The following MAPRE2 variants were observed in gnomAD, a reference collection of about 807,000 sequenced individuals.
MAPRE2 encodes microtubule-associated protein RP/EB family member 2.
Under a neutral mutation model 43.2 loss-of-function variants are expected in MAPRE2, and 13 were observed. The observed-to-expected ratio is 0.30, with a 90% confidence interval of 0.20 to 0.48. The LOEUF (loss-of-function observed/expected upper bound fraction) is 0.48. Among genes scored for constraint, MAPRE2 ranks in the 20% least tolerant of loss-of-function variants. The pLI is 0.99. For synonymous variants in MAPRE2, 135 were observed against 148.8 expected, an observed-to-expected ratio of 0.91 and a Z score of 0.68; for missense variants, 161 against 400.2, an observed-to-expected ratio of 0.40 and a Z score of 5.10.
chr18:35,004,705 C>T (rs2097030948), intron 1 of MAPRE2, among the ~76,000 whole-genome samples: 2 of 152,304 alleles, frequency 1.3e-5, no homozygotes, highest in South Asian at 2.1e-4. Context: ...ATCGCGAGGT[C>T]AGGAGATCGA....
intron 2 of MAPRE2, among the ~76,000 whole-genome samples, chr18:35,010,725 A>C (rs968320289): frequency 1.5e-4 from 23 of 152,116 alleles, no homozygotes; most frequent in African/African-American, 5.6e-4. Context: ...GATTTTCTTT[A>C]TGGTTCCTTT....
chr18:35,114,020 T>C (rs1909297737), intron 4 of MAPRE2, among the ~76,000 whole-genome samples: 1 of 152,204 alleles, frequency 6.6e-6, no homozygotes, highest in South Asian at 2.1e-4. Flanking sequence ...ATCATATTAT[T>C]ACCCTCCACT....
intron 1 of MAPRE2, among the ~76,000 whole-genome samples, chr18:35,042,285 A>C (rs901927330): frequency 5.9e-5 from 9 of 152,184 alleles, no homozygotes; most frequent in Non-Finnish European, 8.8e-5. Context: ...AGGACTTGAA[A>C]AAAACTGGGC....
intron 1 of MAPRE2, among the ~76,000 whole-genome samples, chr18:34,980,027 TTTTC>T (rs1427079429): frequency 1.4e-4 from 3 of 21,814 alleles, no homozygotes; most frequent in African/African-American, 3.3e-4. Flanking sequence ...CTTTTTCTTT[TTTTC>T]TTTTTTTTTT....
intron 2 of MAPRE2, among the ~76,000 whole-genome samples, chr18:35,086,871 C>T (rs1042063690): frequency 6.6e-6 from 1 of 152,074 alleles, no homozygotes; most frequent in African/African-American, 2.4e-5. Context: ...AGATTTTACC[C>T]AAATGTGGGT....
chr18:35,134,444 A>C (rs1330052288), intron 6 of MAPRE2, among the ~76,000 whole-genome samples: 2 of 152,236 alleles, frequency 1.3e-5, no homozygotes, highest in Non-Finnish European at 2.9e-5. Flanking sequence ...TTACTTATCT[A>C]CATTTTACAG....
At chr18:34,978,657 G>A (rs1405353151) in intron 1 of MAPRE2, 4 of 884,550 alleles carry the variant, frequency 4.5e-6, no homozygotes, top group Non-Finnish European at 7.3e-6. Context: ...CTCTGGAAAT[G>A]AAATGCTTCC....
At chr18:35,003,849 A>G (rs1409778919) in intron 1 of MAPRE2, among the ~76,000 whole-genome samples, 1 of 152,274 alleles carries the variant, frequency 6.6e-6, no homozygotes, top group Non-Finnish European at 1.5e-5. Context: ...AGGTTTATCA[A>G]CTATCATTCA....
At chr18:35,121,191 C>T (rs959447041) in intron 4 of MAPRE2, among the ~76,000 whole-genome samples, 1 of 152,148 alleles carries the variant, frequency 6.6e-6, no homozygotes, top group Non-Finnish European at 1.5e-5. Context: ...TCCATTGGGC[C>T]TCATATGCCC....
chr18:35,119,887 C>T (rs535335661), intron 4 of MAPRE2, among the ~76,000 whole-genome samples: 4 of 152,234 alleles, frequency 2.6e-5, no homozygotes, highest in African/African-American at 9.6e-5. Flanking sequence ...GAAACAAGTG[C>T]ACTTTTGCAT....
At chr18:34,984,476 A>C (rs2097017973) in intron 1 of MAPRE2, 1 of 152,002 alleles carries the variant, frequency 6.6e-6, no homozygotes, top group Admixed American at 6.6e-5. Flanking sequence ...AATTAACGTA[A>C]GTTTTGAGGT....
intron 6 of MAPRE2, among the ~76,000 whole-genome samples, chr18:35,139,341 A>G (rs1415079970): frequency 6.6e-6 from 1 of 152,170 alleles, no homozygotes; most frequent in Non-Finnish European, 1.5e-5. Flanking sequence ...GGGAACAGGG[A>G]ACTCCTTTGA....
At chr18:35,050,861 C>G (rs894580191) in intron 1 of MAPRE2, among the ~76,000 whole-genome samples, 3 of 152,126 alleles carry the variant, frequency 2.0e-5, no homozygotes, top group Non-Finnish European at 4.4e-5. Context: ...TTTCAGCCCT[C>G]TCACCCAGGA....
chr18:35,007,662 G>A (rs1301658342), intron 2 of MAPRE2, among the ~76,000 whole-genome samples: 1 of 152,222 alleles, frequency 6.6e-6, no homozygotes, highest in East Asian at 1.9e-4. Flanking sequence ...TAAGTTGGTA[G>A]GAGATGGCAG....
chr18:35,112,315 G>C (rs1909212845), intron 4 of MAPRE2, among the ~76,000 whole-genome samples: 1 of 151,922 alleles, frequency 6.6e-6, no homozygotes, highest in South Asian at 2.1e-4. Flanking sequence ...GGGATTACAG[G>C]CATGCGCCAC....
chr18:35,000,709 C>T (rs1265539256), intron 1 of MAPRE2, among the ~76,000 whole-genome samples: 1 of 152,126 alleles, frequency 6.6e-6, no homozygotes, highest in Non-Finnish European at 1.5e-5. Context: ...CAAGCAGAGC[C>T]ATAAGCCAGA....
At position 35,114,944 on chromosome 18, in the gene MAPRE2, T is replaced by G. The variant is rs373430556; in HGVS notation, c.611-12004T>G. 3.9e-5 allele frequency among the ~76,000 whole-genome samples: 6 copies of G among 152,356 alleles called. No individual in the cohort carries two copies. In the East Asian group the frequency reaches 1.2e-3, roughly 29 times the overall value. On this transcript the variant is annotated intron_variant, in intron 4 of 6. Transcript: ENST00000300249. ...TCGCCAGGCCACACAAGACAGTGAC[T>G]TAGGATTCATTCTTAGTTTCCACAG...
At chr18:35,088,752 A>G (rs372554524) in intron 2 of MAPRE2, among the ~76,000 whole-genome samples, 4 of 152,216 alleles carry the variant, frequency 2.6e-5, no homozygotes, top group African/African-American at 9.6e-5. Context: ...AAAATATAGA[A>G]TTTCAAGAGC....
chr18:35,057,844 G>C (rs377349501), intron 1 of MAPRE2, among the ~76,000 whole-genome samples: 1 of 152,122 alleles, frequency 6.6e-6, no homozygotes, highest in African/African-American at 2.4e-5. Context: ...CTACGAAGCT[G>C]GTAGTGAAAT....
Sources: allele counts gnomAD v4.1 joint callset (sites outside exome capture counted in the v4.1 genomes callset), GRCh38; gene constraint gnomAD v4.1.1; transcripts MANE v1.5; gene names NCBI Gene and HGNC (gene_info 2026-07-23, HGNC 2026-07-21).